SYNPR: variants seen among roughly 807,000 people sequenced by gnomAD.
The protein encoded by SYNPR is synaptoporin.
In SYNPR, 23 loss-of-function variants were observed where a neutral mutation model predicts 32.9. That is an observed-to-expected ratio of 0.70 (90% CI 0.50 to 0.99). SYNPR has a LOEUF of 0.99. Ranked by LOEUF, SYNPR falls within the 50% of genes least tolerant of loss-of-function variation. The pLI is 0.00. For missense variants in SYNPR, 318 were observed against 349.3 expected (o/e 0.91, Z 0.71); for synonymous variants, 146 against 135.9 (o/e 1.07, Z -0.52).
chr3:63,309,280 T>C (rs1449468765), intron 2 of SYNPR, among the ~76,000 whole-genome samples: 3 of 152,050 alleles, frequency 2.0e-5, no homozygotes, highest in African/African-American at 7.2e-5. Flanking sequence ...TGTTTTCATG[T>C]CCTTGTCTGC....
intron 2 of SYNPR, among the ~76,000 whole-genome samples, chr3:63,401,085 G>A (rs1181930893): frequency 6.6e-6 from 1 of 152,060 alleles, no homozygotes; most frequent in Non-Finnish European, 1.5e-5. Context: ...GCTCGAGAGG[G>A]AGGTGGTTTA....
At chr3:63,253,955 G>C (rs2086360018) in intron 2 of SYNPR, among the ~76,000 whole-genome samples, 1 of 152,210 alleles carries the variant, frequency 6.6e-6, no homozygotes, top group Admixed American at 6.5e-5. Context: ...AAGAAAATGT[G>C]GCACATATAC....
intron 2 of SYNPR, among the ~76,000 whole-genome samples, chr3:63,472,309 G>C (rs959808097): frequency 6.6e-6 from 1 of 152,138 alleles, no homozygotes; most frequent in Non-Finnish European, 1.5e-5. Context: ...CTTCACTTAG[G>C]AGTAGATCAT....
intron 2 of SYNPR, among the ~76,000 whole-genome samples, chr3:63,311,106 G>T (rs1221626326): frequency 6.6e-6 from 1 of 151,806 alleles, no homozygotes; most frequent in African/African-American, 2.4e-5. Flanking sequence ...GCTTTTTTTT[G>T]TTGTTGTTGT....
intron 4 of SYNPR, among the ~76,000 whole-genome samples, chr3:63,563,437 T>C (rs189639451): frequency 6.6e-6 from 1 of 152,256 alleles, no homozygotes; most frequent in African/African-American, 2.4e-5. Context: ...AGCTACACCT[T>C]TGTTTGAGTA....
At chr3:63,255,921 T>C (rs1000735123) in intron 2 of SYNPR, among the ~76,000 whole-genome samples, 29 of 152,218 alleles carry the variant, frequency 1.9e-4, no homozygotes, top group African/African-American at 7.0e-4. Flanking sequence ...CAGGAGACTA[T>C]ATGCCGCGCC....
intron 2 of SYNPR, among the ~76,000 whole-genome samples, chr3:63,396,922 G>A (rs1234644832): frequency 3.3e-5 from 5 of 152,054 alleles, no homozygotes; most frequent in Non-Finnish European, 7.4e-5. Context: ...GGCTAACACG[G>A]TGAAACCCCG....
chr3:63,448,804 C>T (rs1700327103), intron 2 of SYNPR, among the ~76,000 whole-genome samples: 1 of 152,152 alleles, frequency 6.6e-6, no homozygotes. Context: ...TCCATTTTCT[C>T]ACCTAAACTG....
intron 2 of SYNPR, among the ~76,000 whole-genome samples, chr3:63,429,595 T>G (rs920566568): frequency 6.6e-6 from 1 of 152,242 alleles, no homozygotes; most frequent in Non-Finnish European, 1.5e-5. Context: ...GTAACTATTT[T>G]AAATAGAAAT....
the SYNPR span, among the ~76,000 whole-genome samples, chr3:63,223,012 G>A: frequency 6.4e-4 from 98 of 152,232 alleles, no homozygotes; most frequent in Middle Eastern, 3.4e-3. Flanking sequence ...AGGCTGCTGT[G>A]TTCCATGGGG....
At chr3:63,437,332 A>T (rs1193346317) in intron 2 of SYNPR, among the ~76,000 whole-genome samples, 1 of 152,166 alleles carries the variant, frequency 6.6e-6, no homozygotes, top group African/African-American at 2.4e-5. Context: ...CCTTGTATGC[A>T]TTCGTTTACA....
chr3:63,611,518 C>T (rs1254747623), intron 5 of SYNPR, among the ~76,000 whole-genome samples: 6 of 152,150 alleles, frequency 3.9e-5, no homozygotes, highest in African/African-American at 1.4e-4. Context: ...GTTGGAAAGA[C>T]ATTAAAAGTG....
rs1190478754 is a variant in SYNPR at position 63,260,326 on chromosome 3, C to T, written n.155-6991C>T. On this transcript the variant is annotated intron_variant and non_coding_transcript_variant, in intron 2 of 4. Coordinates refer to the SYNPR transcript ENST00000478456. ...CGCTACCTGACATCAAACTATACTACAAGGCCACAGTAACCAAAACAGCAT... is the reference window on the plus strand; with the variant it reads ...CGCTACCTGACATCAAACTATACTATAAGGCCACAGTAACCAAAACAGCAT... 3.9e-5 allele frequency among the ~76,000 whole-genome samples: 6 copies of T among 152,276 alleles called. No homozygotes were observed. The East Asian group carries it at 1.2e-3, about 29-fold the overall frequency.
At chr3:63,556,509 T>C (rs754728475) in intron 3 of SYNPR, 34 bp from the exon 4 acceptor site, 7 of 1,569,366 alleles carry the variant, frequency 4.5e-6, no homozygotes, top group East Asian at 2.3e-5. Context: ...CTCCATTGCA[T>C]TTAAAGAATG....
At chr3:63,452,413 C>T (rs1700396165) in intron 2 of SYNPR, among the ~76,000 whole-genome samples, 2 of 152,172 alleles carry the variant, frequency 1.3e-5, no homozygotes, top group African/African-American at 4.8e-5. Flanking sequence ...CATATTAATT[C>T]ATTTAAGCCT....
intron 2 of SYNPR, among the ~76,000 whole-genome samples, chr3:63,421,166 A>T (rs1699791085): frequency 1.3e-5 from 2 of 152,228 alleles, no homozygotes; most frequent in South Asian, 4.1e-4. Context: ...TACAGGCATG[A>T]GCCACTATGC....
At chr3:63,442,629 C>T (rs1015529807) in intron 2 of SYNPR, among the ~76,000 whole-genome samples, 5 of 152,178 alleles carry the variant, frequency 3.3e-5, no homozygotes, top group African/African-American at 7.2e-5. Context: ...AGATCCATGT[C>T]GCACTTAAGC....
intron 3 of SYNPR, among the ~76,000 whole-genome samples, chr3:63,271,526 A>G (rs2086535495): frequency 6.6e-6 from 1 of 152,182 alleles, no homozygotes; most frequent in Non-Finnish European, 1.5e-5. Flanking sequence ...AAGTGAATGC[A>G]TGCAGTATAC....
At chr3:63,508,524 T>C (rs945023319) in intron 3 of SYNPR, among the ~76,000 whole-genome samples, 20 of 152,136 alleles carry the variant, frequency 1.3e-4, no homozygotes, top group Admixed American at 6.6e-5. Context: ...AATAATGTGA[T>C]GTCATTGAGA....
Sources: gnomAD v4.1 joint callset for allele counts (sites outside exome capture counted in the v4.1 genomes callset) on GRCh38, gnomAD v4.1.1 for gene constraint, MANE v1.5 for transcripts, NCBI Gene and HGNC (gene_info 2026-07-23, HGNC 2026-07-21) for gene names.